Variants in DYRK1A observed in about 807,000 individuals in gnomAD.
DYRK1A encodes the protein dual specificity tyrosine phosphorylation regulated kinase 1A, also known as dual specificity tyrosine-phosphorylation-regulated kinase 1A.
In DYRK1A, 9 loss-of-function variants were observed where a neutral mutation model predicts 79.7. The observed-to-expected ratio is 0.11, with a 90% confidence interval of 0.07 to 0.20. The LOEUF (loss-of-function observed/expected upper bound fraction) is 0.20. Ranked by LOEUF, DYRK1A falls within the 10% of genes least tolerant of loss-of-function variation. The pLI is 1.00. For synonymous variants in DYRK1A, 349 were observed against 329.7 expected (o/e 1.06, Z -0.63); for missense variants, 622 against 956.0 (o/e 0.65, Z 4.61).
chr21:37,508,051 A>G (rs2053647009), intron 11 of DYRK1A, among the ~76,000 whole-genome samples: 2 of 151,782 alleles, frequency 1.3e-5, no homozygotes, highest in Admixed American at 6.6e-5. Context: ...CATTTGCTCA[A>G]GTTGTAAATT....
chr21:37,377,533 A>G (rs1390254124), intron 1 of DYRK1A, among the ~76,000 whole-genome samples: 6 of 152,146 alleles, frequency 3.9e-5, no homozygotes, highest in African/African-American at 7.2e-5. Flanking sequence ...CAGTGGCATG[A>G]TCATAGTTCA....
chr21:37,489,437 C>G (rs2052998347), intron 6 of DYRK1A, among the ~76,000 whole-genome samples: 2 of 152,068 alleles, frequency 1.3e-5, no homozygotes, highest in African/African-American at 4.8e-5. Context: ...TGATAGCGAC[C>G]TATGTATTCT....
At chr21:37,390,456 A>T (rs919542737) in intron 1 of DYRK1A, among the ~76,000 whole-genome samples, 2 of 152,348 alleles carry the variant, frequency 1.3e-5, no homozygotes, top group South Asian at 4.1e-4. Flanking sequence ...ACATGGAGAC[A>T]TTACTGCTAT....
intron 1 of DYRK1A, among the ~76,000 whole-genome samples, chr21:37,373,744 C>T (rs774561184): frequency 6.6e-6 from 1 of 152,196 alleles, no homozygotes; most frequent in Non-Finnish European, 1.5e-5. Flanking sequence ...ATAACTTAGT[C>T]ATGTGGCCAT....
At chr21:37,478,859 G>T (rs75026616) in intron 4 of DYRK1A, among the ~76,000 whole-genome samples, 3,190 of 152,056 alleles carry the variant, frequency 0.021, 45 homozygotes, top group Non-Finnish European at 0.031. Flanking sequence ...CTTTTTTGTT[G>T]TAAGTAAATA....
chr21:37,368,460 C>T (rs760193015), intron 1 of DYRK1A, among the ~76,000 whole-genome samples: 4 of 152,334 alleles, frequency 2.6e-5, no homozygotes, highest in African/African-American at 4.8e-5. Context: ...GAGTCAGTGA[C>T]TCTGGTTACT....
At chr21:37,464,247 T>G (rs771811567) in intron 2 of DYRK1A, 3 of 474,134 alleles carry the variant, frequency 6.3e-6, no homozygotes, top group Non-Finnish European at 1.2e-5. Context: ...GATGTGTTGT[T>G]TATGAAATAT....
chr21:37,404,015 A>G (rs1248547473), intron 1 of DYRK1A, among the ~76,000 whole-genome samples: 3 of 151,832 alleles, frequency 2.0e-5, no homozygotes, highest in Admixed American at 1.3e-4. Flanking sequence ...TTTAGACATT[A>G]TTGGTACTGG....
intron 8 of DYRK1A, among the ~76,000 whole-genome samples, chr21:37,495,080 A>G (rs2053220025): frequency 6.6e-6 from 1 of 152,032 alleles, no homozygotes; most frequent in African/African-American, 2.4e-5. Context: ...CCTAGCATAT[A>G]ATAGGCACAC....
At chr21:37,492,880 ATGT>A (rs2053142900) in intron 7 of DYRK1A, 134 bp from the exon 8 acceptor site, 1 of 623,884 alleles carries the variant, frequency 1.6e-6, no homozygotes, top group Non-Finnish European at 2.7e-6. Context: ...TCGTAGTCTA[ATGT>A]TGAAGTTAAT....
At chr21:37,391,356 C>T (rs978310949) in intron 1 of DYRK1A, among the ~76,000 whole-genome samples, 7 of 152,298 alleles carry the variant, frequency 4.6e-5, no homozygotes, top group Admixed American at 3.9e-4. Context: ...TTCCTTTAGT[C>T]TCCTAAGCCT....
At chr21:37,376,346 T>C (rs2049540360) in intron 1 of DYRK1A, among the ~76,000 whole-genome samples, 1 of 152,056 alleles carries the variant, frequency 6.6e-6, no homozygotes, top group Non-Finnish European at 1.5e-5. Flanking sequence ...CCATCTCTAC[T>C]ACAGATACAG....
At position 37,517,701 on chromosome 21, in the gene DYRK1A, G is replaced by C. The variant is rs2053895136; in HGVS notation, c.*5170G>C. ...CACCCAGGCAAGAGGACGGGCCTGA[G>C]CCTGAGTGTGGCCAGCAGAAAGTGT... On this transcript the variant is annotated 3_prime_UTR_variant, in exon 12 of 12. Transcript: ENST00000647188. The C allele has an allele frequency of 6.6e-6, 1 of 152,198 alleles. No homozygotes were observed. The highest frequency in any genetic ancestry group is 6.5e-5 in the Admixed American group (1 of 15,272). The allele number at this position is 152,198 out of a possible 1,614,324, so 9.4% of individuals were successfully genotyped here.
At position 37,394,337 on chromosome 21, in the gene DYRK1A, T is replaced by C. The variant is rs563702532; in HGVS notation, c.-76-25962T>C. On this transcript the variant is annotated intron_variant, in intron 1 of 11. Transcript: ENST00000647188. The stretch of plus-strand genomic sequence containing the variant: ...CCTGCAGTGGTGTATTTCTAACTTT[T>C]GCTATAACTCCATTCAAATAGCAGT... Among the ~76,000 whole-genome samples the C allele has an allele frequency of 4.7e-4, 72 of 152,254 alleles. 1 individual carries two copies. Among genetic ancestry groups the C allele is most frequent in the African/African-American group, 1.7e-3 (71 of 41,534 alleles).
rs879289136 is a variant in DYRK1A, at chr21:37,407,340, A to G, written c.-76-12959A>G. Among the ~76,000 whole-genome samples, 5 of 152,324 alleles carry G rather than the reference A, an allele frequency of 3.3e-5. No individual in the cohort carries two copies. In the South Asian group the frequency reaches 6.2e-4, roughly 19 times the overall value. ...GGCTGAGCTGTGGCTGTAACCCATC[A>G]TATGAGTTCAGGTGTGGAGTTTTTC... On this transcript the variant is annotated intron_variant, in intron 1 of 11. Transcript: ENST00000647188.
At chr21:37,437,885 CAT>C (rs1309400512) in intron 2 of DYRK1A, among the ~76,000 whole-genome samples, 1 of 152,148 alleles carries the variant, frequency 6.6e-6, no homozygotes, top group Non-Finnish European at 1.5e-5. Context: ...GTGACTCAAT[CAT>C]GTGGTGGGTA....
chr21:37,438,322 G>A (rs1033068455), intron 2 of DYRK1A, among the ~76,000 whole-genome samples: 1 of 151,902 alleles, frequency 6.6e-6, no homozygotes, highest in African/African-American at 2.4e-5. Flanking sequence ...TTTTTATGAA[G>A]CCTAATTTAT....
intron 2 of DYRK1A, among the ~76,000 whole-genome samples, chr21:37,461,222 T>C (rs1188010671): frequency 6.6e-6 from 1 of 151,968 alleles, no homozygotes; most frequent in Non-Finnish European, 1.5e-5. Flanking sequence ...TTTTCAAATA[T>C]AGGTAGTATT....
At position 37,519,226 on chromosome 21, in the gene DYRK1A, G is replaced by A. The variant is rs1224913167; in HGVS notation, c.*6695G>A. 1 of 152,132 alleles carries A rather than the reference G, an allele frequency of 6.6e-6. No individual in the cohort carries two copies. The highest frequency in any genetic ancestry group is 1.5e-5 in the Non-Finnish European group (1 of 68,044). 9.4% of individuals were successfully genotyped at this position (152,132 alleles called of 1,614,324 possible). On this transcript the variant is annotated 3_prime_UTR_variant, in exon 12 of 12. Coordinates refer to ENST00000647188, the MANE Select transcript of DYRK1A (RefSeq NM_001347721.2). ...TCAGTCTCATCTGGTCTTGTAAGCC[G>A]GTGAAGGGTTTCCCAGGGCACCAGC...
Sources: gnomAD v4.1 joint callset for allele counts (sites outside exome capture counted in the v4.1 genomes callset) on GRCh38, gnomAD v4.1.1 for gene constraint, MANE v1.5 for transcripts, NCBI Gene and HGNC (gene_info 2026-07-23, HGNC 2026-07-21) for gene names.